Variants in CCDC178 observed in about 807,000 individuals in gnomAD.
The protein encoded by CCDC178 is coiled-coil domain-containing protein 178.
A neutral mutation model predicts 117.4 loss-of-function variants in CCDC178; 126 were observed. That is an observed-to-expected ratio of 1.07 (90% CI 0.93 to 1.24). CCDC178 has a LOEUF of 1.24. Ranked by LOEUF, CCDC178 falls within the 50% of genes most tolerant of loss-of-function variation. The pLI, the probability that CCDC178 is intolerant of heterozygous loss-of-function variation, is 0.00. For synonymous variants in CCDC178, 283 were observed against 313.4 expected (o/e 0.90, Z 1.02); for missense variants, 1,030 against 986.9 (o/e 1.04, Z -0.59).
chr18:33,000,813 A>G (rs1305285240), intron 21 of CCDC178, among the ~76,000 whole-genome samples: 4 of 152,216 alleles, frequency 2.6e-5, no homozygotes, highest in Non-Finnish European at 5.9e-5. Context: ...CCTACAAGAA[A>G]TGCTAAGGAA....
At chr18:33,031,521 A>G (rs1894977380) in intron 21 of CCDC178, among the ~76,000 whole-genome samples, 2 of 152,130 alleles carry the variant, frequency 1.3e-5, no homozygotes, top group South Asian at 2.1e-4. Flanking sequence ...ATTGTTTTAT[A>G]TAATTTTATG....
chr18:33,266,021 T>C (rs370437805), intron 14 of CCDC178, among the ~76,000 whole-genome samples: 2 of 151,962 alleles, frequency 1.3e-5, no homozygotes, highest in East Asian at 1.9e-4. Context: ...AATACTAGTA[T>C]AGTAGTTGCA....
In CCDC178 at chr18:33,062,917, T is replaced by C. The variant is rs974479160; in HGVS notation, c.2388+29844A>G. Among the ~76,000 whole-genome samples the C allele has an allele frequency of 3.3e-5, 5 of 150,530 alleles. No homozygotes were observed. The East Asian group carries it at 9.7e-4, about 29-fold the overall frequency. The stretch of plus-strand genomic sequence containing the variant: ...CAGAACTCCAGCCCACAGTGTCTTA[T>C]AGCCTAGGGAGCAGGCTGACCAGTG... On this transcript the variant is annotated intron_variant, in intron 21 of 22. Coordinates refer to ENST00000383096, the MANE Select transcript of CCDC178 (RefSeq NM_001105528.4).
intron 9 of CCDC178, among the ~76,000 whole-genome samples, chr18:33,339,852 A>C (rs1472340073): frequency 2.6e-5 from 4 of 151,914 alleles, no homozygotes; most frequent in Non-Finnish European, 5.9e-5. Context: ...TGGGACTGTA[A>C]CTCCATTAAA....
At chr18:33,298,088 A>G (rs753196349) in intron 11 of CCDC178, among the ~76,000 whole-genome samples, 6 of 152,162 alleles carry the variant, frequency 3.9e-5, no homozygotes, top group Non-Finnish European at 7.4e-5. Context: ...CTATTCCAAA[A>G]AAATTGAAAT....
intron 14 of CCDC178, among the ~76,000 whole-genome samples, chr18:33,256,937 T>TA (rs2059687424): frequency 6.6e-6 from 1 of 152,030 alleles, no homozygotes. Context: ...ATTTAAAACT[T>TA]AGATAGAATA....
chr18:33,316,880 A>C (rs2062426476), intron 11 of CCDC178, among the ~76,000 whole-genome samples: 1 of 152,042 alleles, frequency 6.6e-6, no homozygotes, highest in South Asian at 2.1e-4. Context: ...TAAATATACC[A>C]ATCGACACTC....
At chr18:32,958,496 G>T (rs1280287318) in intron 22 of CCDC178, among the ~76,000 whole-genome samples, 1 of 152,194 alleles carries the variant, frequency 6.6e-6, no homozygotes, top group Non-Finnish European at 1.5e-5. Flanking sequence ...CTGGAGCTGT[G>T]TTGAAATACC....
At chr18:33,124,269 A>G (rs139820383) in intron 20 of CCDC178, among the ~76,000 whole-genome samples, 54 of 152,328 alleles carry the variant, frequency 3.5e-4, no homozygotes, top group African/African-American at 1.1e-3. Context: ...GTTTTACAGC[A>G]ACAGCCTTGG....
intron 21 of CCDC178, among the ~76,000 whole-genome samples, chr18:33,011,835 G>A (rs887134302): frequency 7.3e-6 from 1 of 136,866 alleles, no homozygotes; most frequent in African/African-American, 2.8e-5. Flanking sequence ...GAGTCTCCTG[G>A]GCTCATTGCA....
At chr18:33,071,522 G>A (rs976776667) in intron 21 of CCDC178, among the ~76,000 whole-genome samples, 12 of 151,972 alleles carry the variant, frequency 7.9e-5, no homozygotes. Flanking sequence ...ACGGTTTTCT[G>A]AATAGCAAAT....
intron 20 of CCDC178, among the ~76,000 whole-genome samples, chr18:33,209,250 G>A (rs2059080298): frequency 6.6e-6 from 1 of 151,946 alleles, no homozygotes; most frequent in Non-Finnish European, 1.5e-5. Context: ...ATATGGAATT[G>A]CCTACTGAAG....
chr18:33,084,246 A>G (rs2057342744), intron 21 of CCDC178, among the ~76,000 whole-genome samples: 1 of 152,180 alleles, frequency 6.6e-6, no homozygotes, highest in African/African-American at 2.4e-5. Flanking sequence ...TGGTTTTATC[A>G]GCGTCCAAAA....
rs774660262 is a variant in CCDC178 at position 33,092,892 on chromosome 18, G to A, written c.2257C>T (p.Leu753Phe). Residue 753 changes from leucine (L) to phenylalanine (F), a missense_variant, in exon 21 of 23, where the codon CTT becomes TTT. Physicochemically the swap from Leu to Phe is conservative, Grantham distance 22. Coordinates refer to ENST00000383096, the MANE Select transcript of CCDC178 (RefSeq NM_001105528.4). ...QDTQKIIADS[L>F]EENLRLAQEY... ...TGAGCTAAACGCAGATTTTCTTCAA[G>A]TGAATCAGCTATTATTTTCTAGAAG... The A allele has an allele frequency of 1.3e-6, 2 of 1,566,012 alleles. No homozygotes were observed. Among genetic ancestry groups the A allele is most frequent in the Admixed American group, 4.0e-5 (2 of 50,108 alleles).
chr18:33,350,934 T>A (rs2062968288), intron 7 of CCDC178, among the ~76,000 whole-genome samples: 1 of 152,016 alleles, frequency 6.6e-6, no homozygotes, highest in Non-Finnish European at 1.5e-5. Flanking sequence ...AGAGTGGGCA[T>A]CCTTGTTTTG....
chr18:33,050,701 A>G (rs549542088), intron 21 of CCDC178, among the ~76,000 whole-genome samples: 1 of 152,284 alleles, frequency 6.6e-6, no homozygotes, highest in South Asian at 2.1e-4. Flanking sequence ...AAAATAACAA[A>G]TCTTATTGTT....
At chr18:33,258,894 T>G (rs538255736) in intron 14 of CCDC178, among the ~76,000 whole-genome samples, 1 of 152,278 alleles carries the variant, frequency 6.6e-6, no homozygotes, top group African/African-American at 2.4e-5. Flanking sequence ...TCTATATTAT[T>G]TTATGTATTT....
intron 20 of CCDC178, among the ~76,000 whole-genome samples, chr18:33,102,828 C>CAG (rs2057650747): frequency 6.6e-6 from 1 of 151,788 alleles, no homozygotes; most frequent in African/African-American, 2.4e-5. Context: ...TATGGCTCTC[C>CAG]AGCCAAATCC....
intron 21 of CCDC178, among the ~76,000 whole-genome samples, chr18:32,985,803 G>T (rs979983907): frequency 6.6e-6 from 1 of 152,040 alleles, no homozygotes; most frequent in African/African-American, 2.4e-5. Context: ...GGTAGCAGTA[G>T]AAGGAAGGAT....
Sources: gnomAD v4.1 joint callset for allele counts (sites outside exome capture counted in the v4.1 genomes callset) on GRCh38, gnomAD v4.1.1 for gene constraint, MANE v1.5 for transcripts, NCBI Gene and HGNC (gene_info 2026-07-23, HGNC 2026-07-21) for gene names.